The following IQCN variants were observed in gnomAD, a reference collection of about 807,000 sequenced individuals.
The protein encoded by IQCN is IQ motif containing N.
In IQCN, 46 loss-of-function variants were observed where a neutral mutation model predicts 64.4. The ratio of observed to expected loss-of-function variants is 0.71; its 90% CI spans 0.56 to 0.91. The LOEUF (loss-of-function observed/expected upper bound fraction) is 0.91, where lower values mean the gene tolerates loss of function less well. IQCN is among the 40% of genes least tolerant of loss of function. The pLI is 0.00. For synonymous variants in IQCN, 733 were observed against 775.6 expected (o/e 0.95, Z 0.91); for missense variants, 1,753 against 1,857.4 (o/e 0.94, Z 1.03).
rs981138725 is a variant in IQCN, at chr19:18,264,720, C to A, written c.2820G>T (p.Ala940=). The stretch of plus-strand genomic sequence containing the variant: ...TCAGGCGCAGCTCACTCCAGGACAG[C>A]GCCTTCACCAGCGCCATGCTCAGCA... ...QSMLSMALVK[A]LSWSELRLTL... The change falls in exon 3 of 4, where the codon GCG becomes GCT. Residue 940 remains alanine (A), a synonymous_variant. Coordinates refer to ENST00000392413, the MANE Select transcript of IQCN (RefSeq NM_001145304.2). The surrounding 1 kb of genome is among the most constrained non-coding windows in gnomAD (Gnocchi z 4.3). 8 of 1,550,946 alleles carry A rather than the reference C, an allele frequency of 5.2e-6. No homozygotes were observed. Among genetic ancestry groups the A allele is most frequent in the Non-Finnish European group, 7.0e-6 (8 of 1,146,960 alleles).
At chr19:18,269,715 G>C (rs1440795510) in intron 1 of IQCN, 128 bp from the exon 2 acceptor site, 1 of 497,864 alleles carries the variant, frequency 2.0e-6, no homozygotes, top group Non-Finnish European at 3.6e-6. Flanking sequence ...ATTTATTCCA[G>C]TGTTATTTTG....
chr19:18,264,259 G>T lies in IQCN; in HGVS notation c.3177+104C>A, dbSNP rs1487209270. 2 of 1,001,638 alleles carry T rather than the reference G, an allele frequency of 2.0e-6. No homozygotes were observed. The highest frequency in any genetic ancestry group is 2.8e-6 in the Non-Finnish European group (2 of 705,782). The allele number at this position is 1,001,638 out of a possible 1,614,324, so 62.0% of individuals were successfully genotyped here. A position where few individuals can be genotyped will look rare whatever the true frequency, so the allele number is the denominator to read the frequency against. The stretch of plus-strand genomic sequence containing the variant: ...CCCACAGTGACCACAGATAAGCAGG[G>T]TGACCCCCACAAGATGGCCCCATCA... On this transcript the variant is annotated intron_variant, in intron 3 of 3. Coordinates refer to ENST00000392413, the MANE Select transcript of IQCN (RefSeq NM_001145304.2). This position sits in a 1 kb window ranked among gnomAD's most constrained non-coding sequence, Gnocchi z 4.3.
chr19:18,271,242 G>T (rs1969729446), intron 1 of IQCN, among the ~76,000 whole-genome samples: 1 of 150,240 alleles, frequency 6.7e-6, no homozygotes, highest in South Asian at 2.1e-4. Flanking sequence ...GGCCGAGGTG[G>T]GTGGCTCACG....
Position 18,257,869 on chromosome 19 carries a change from C to T in IQCN, c.3415G>A (p.Gly1139Arg). ...ARRRIRLWHR[G>R]AMVIQATWRG... ...CAAGTAGCTTGGATGACCATGGCCCCCCGGTGCCACAGCCGGATCCTGCGA... is the reference window on the plus strand; with the variant it reads ...CAAGTAGCTTGGATGACCATGGCCCTCCGGTGCCACAGCCGGATCCTGCGA... Residue 1139 changes from glycine (G) to arginine (R), a missense_variant, in exon 4 of 4, where the codon GGG becomes AGG. By Grantham distance (125) the Gly-to-Arg change is moderately radical. Transcript: ENST00000392413. 1.9e-6 allele frequency: 3 copies of T among 1,612,282 alleles called. No individual in the cohort carries two copies. The highest frequency in any genetic ancestry group is 1.7e-6 in the Non-Finnish European group (2 of 1,179,888).
In IQCN at chr19:18,267,441, C is replaced by G; in HGVS notation, c.99G>C (p.Val33=). The G allele has an allele frequency of 6.4e-7, 1 of 1,552,792 alleles. No homozygotes were observed. The highest frequency in any genetic ancestry group is 8.7e-7 in the Non-Finnish European group (1 of 1,151,682). The change falls in exon 3 of 4, where the codon GTG becomes GTC. Residue 33 remains valine (V), a synonymous_variant. Transcript: ENST00000392413. The part of the protein sequence containing the change: ...VHEPVVTQWA[V]HPPAPAHPSL... ...TGGGGTGAGCGGGGGCTGGAGGATG[C>G]ACCGCCCACTGGGTGACAACTGGCT...
In IQCN at chr19:18,269,607, A is replaced by G. The variant is rs897820577; in HGVS notation, c.-109-20T>C. 6 of 671,178 alleles carry G rather than the reference A, an allele frequency of 8.9e-6. No individual in the cohort carries two copies. The highest frequency in any genetic ancestry group is 1.9e-5 in the African/African-American group (1 of 53,190). 41.6% of individuals were successfully genotyped at this position (671,178 alleles called of 1,614,324 possible). ...CCTGGGCTGGCTCAAGACCAACACA[A>G]AAAGAAATGTTAAAAGCAAAAATGC... On this transcript the variant is annotated intron_variant, in intron 1 of 3. Transcript: ENST00000392413.
chr19:18,264,411 C>T lies in IQCN; in HGVS notation c.3129G>A (p.Ser1043=), dbSNP rs1412300448. The change falls in exon 3 of 4, where the codon TCG becomes TCA. Residue 1043 remains serine, a synonymous_variant. Transcript: ENST00000392413. The surrounding 1 kb of genome is among the most constrained non-coding windows in gnomAD (Gnocchi z 4.3). ...GGCCCAGGGAGGGCCCCCATGCGGC[C>T]GATGGACTCCTCCTGCAGGCCACCT... The part of the protein sequence containing the change: ...LVKVACRRSP[S]AAWGPSLGPV... 4.5e-6 allele frequency: 7 copies of T among 1,538,736 alleles called. No homozygotes were observed. In the African/African-American group the frequency reaches 6.9e-5, roughly 15 times the overall value.
intron 2 of IQCN, among the ~76,000 whole-genome samples, chr19:18,268,369 G>A (rs60162577): frequency 0.48 from 72,528 of 151,254 alleles, 17,574 homozygotes; most frequent in Admixed American, 0.57. Flanking sequence ...GGGTGGGGGG[G>A]GCATCTTGAC....
intron 1 of IQCN, among the ~76,000 whole-genome samples, chr19:18,270,199 A>C (rs1335716871): frequency 6.6e-6 from 1 of 151,876 alleles, no homozygotes; most frequent in African/African-American, 2.4e-5. Flanking sequence ...GTCTCTACTA[A>C]AAATACAAGA....
At position 18,265,487 on chromosome 19, in the gene IQCN, C is replaced by T. The variant is rs1486156362; in HGVS notation, c.2053G>A (p.Ala685Thr). The T allele has an allele frequency of 3.1e-6, 5 of 1,612,526 alleles. No individual in the cohort carries two copies. Among genetic ancestry groups the T allele is most frequent in the East Asian group, 4.5e-5 (2 of 44,828 alleles). ...TGAGATGAGGCCTTGGTCAGCGGGG[C>T]GGCCAGTGGTCTCTGGGACAGGCAG... ...PPCLSQRPLAAPLTKASSQGH... is the reference protein window; with the variant it reads ...PPCLSQRPLATPLTKASSQGH... The change falls in exon 3 of 4, where the codon GCC becomes ACC. Residue 685 changes from alanine (A) to threonine (T), a missense_variant. By Grantham distance (58) the Ala-to-Thr change is moderately conservative. Coordinates refer to ENST00000392413, the MANE Select transcript of IQCN (RefSeq NM_001145304.2). The surrounding 1 kb of genome is among the most constrained non-coding windows in gnomAD (Gnocchi z 4.7).
At chr19:18,270,473 A>G (rs919363714) in intron 1 of IQCN, among the ~76,000 whole-genome samples, 3 of 151,988 alleles carry the variant, frequency 2.0e-5, no homozygotes, top group African/African-American at 7.3e-5. Flanking sequence ...CAGCCTGGGC[A>G]ACATGGTAAA....
rs1474314729 is a variant in IQCN at position 18,269,498 on chromosome 19, GAGA to G, written c.-23_-21del. 14 of 1,613,712 alleles carry G rather than the reference GAGA, an allele frequency of 8.7e-6. No homozygotes were observed. The highest frequency in any genetic ancestry group is 2.2e-5 in the South Asian group (2 of 91,042). On this transcript the variant is annotated 5_prime_UTR_variant, in exon 2 of 4. Transcript: ENST00000392413. ...GGTCATAGATTTGGAGGAGTAGCAG[GAGA>G]AGAAGGTGCAATCTCAGAAGCCAGC... is the stretch of plus-strand genomic sequence containing the variant.
rs759981533 is a variant in IQCN at position 18,265,492 on chromosome 19, A to G, written c.2048T>C (p.Leu683Pro). Reference sequence around the variant, plus strand: ...TGAGGCCTTGGTCAGCGGGGCGGCCAGTGGTCTCTGGGACAGGCAGGGTGG... The same window carrying G: ...TGAGGCCTTGGTCAGCGGGGCGGCCGGTGGTCTCTGGGACAGGCAGGGTGG... ...RHPPCLSQRP[L>P]AAPLTKASSQ... The change falls in exon 3 of 4, where the codon CTG (leucine) becomes CCG (proline). Residue 683 changes from leucine (L) to proline (P), a missense_variant. Leu to Pro is a moderately conservative substitution (Grantham distance 98). Transcript: ENST00000392413. The surrounding 1 kb of genome is among the most constrained non-coding windows in gnomAD (Gnocchi z 4.7). The G allele has an allele frequency of 4.3e-6, 7 of 1,612,808 alleles. No homozygotes were observed. In the South Asian group the frequency reaches 6.6e-5, roughly 15 times the overall value.
Position 18,264,916 on chromosome 19 carries a change from G to GAGCCTACC in IQCN, c.2616_2623dup (p.Ser875TrpfsTer2). 1.2e-6 allele frequency: 2 copies of GAGCCTACC among 1,613,326 alleles called. No individual in the cohort carries two copies. Among genetic ancestry groups the GAGCCTACC allele is most frequent in the Non-Finnish European group, 8.5e-7 (1 of 1,179,996 alleles). ...TTCAGCACACAAGGAGGCCAGCAGGGAGCCTACCGTGTCCTCCTGGCAGGG... is the reference window on the plus strand; with the variant it reads ...TTCAGCACACAAGGAGGCCAGCAGGGAGCCTACCAGCCTACCGTGTCCTCCTGGCAGGG... On this transcript the variant is annotated stop_gained and frameshift_variant, in exon 3 of 4. Coordinates refer to ENST00000392413, the MANE Select transcript of IQCN (RefSeq NM_001145304.2). LOFTEE classifies it high-confidence loss of function. The surrounding 1 kb of genome is among the most constrained non-coding windows in gnomAD (Gnocchi z 4.3).
Position 18,266,107 on chromosome 19 carries a change from T to A in IQCN, c.1433A>T (p.Lys478Met). ...LQTCLSATMS[K>M]TSSQRSPVGV... ...AACTGGGCTCCTCTGGGATGAAGTC[T>A]TGGACATTGTGGCTGACAGACATGT... Residue 478 changes from lysine (K) to methionine (M), a missense_variant, in exon 3 of 4, where the codon AAG (lysine) becomes ATG (methionine). Transcript: ENST00000392413. This position sits in a 1 kb window ranked among gnomAD's most constrained non-coding sequence, Gnocchi z 4.3. The A allele has an allele frequency of 6.2e-7, 1 of 1,613,958 alleles. No individual in the cohort carries two copies. Among genetic ancestry groups the A allele is most frequent in the South Asian group, 1.1e-5 (1 of 91,078 alleles).
rs942341949 is a variant in IQCN at position 18,267,185 on chromosome 19, G to A, written c.355C>T (p.Leu119Phe). ...ATCTGGGAAATCAGCTTCTGCCGGA[G>A]CCAATAGCCCCTCCAGTTGGCTTGG... ...LIQANWRGYW[L>F]RQKLISQMMA... Residue 119 changes from leucine (L) to phenylalanine (F), a missense_variant, in exon 3 of 4, where the codon CTC becomes TTC. Physicochemically the swap from Leu to Phe is conservative, Grantham distance 22. Transcript: ENST00000392413. 6.2e-7 allele frequency: 1 copy of A among 1,614,276 alleles called. No homozygotes were observed.
chr19:18,265,935 C>T lies in IQCN; in HGVS notation c.1605G>A (p.Ala535=), dbSNP rs138064943. 5.2e-4 allele frequency: 843 copies of T among 1,614,158 alleles called. No individual in the cohort carries two copies. Among genetic ancestry groups the T allele is most frequent in the Middle Eastern group, 6.6e-4 (4 of 6,062 alleles). The change falls in exon 3 of 4, where the codon GCG becomes GCA. Residue 535 remains alanine (A), a synonymous_variant. Coordinates refer to ENST00000392413, the MANE Select transcript of IQCN (RefSeq NM_001145304.2). The surrounding 1 kb of genome is among the most constrained non-coding windows in gnomAD (Gnocchi z 4.7). ...VANVKAPPQV[A]VAAGTPNTSG... ...AGGTGTTGGGAGTTCCGGCTGCTAC[C>T]GCCACTTGGGGTGGAGCCTTGACAT...
At chr19:18,267,951 CCTGG>C (rs3075270) in intron 2 of IQCN, 78,598 of 152,286 alleles carry the variant, frequency 0.52, 21,149 homozygotes, top group African/African-American at 0.67. Context: ...CGCCACCATG[CCTGG>C]CTGGCTACTT....
At chr19:18,260,968 G>A (rs2148095053) in intron 3 of IQCN, 1 of 153,118 alleles carries the variant, frequency 6.5e-6, no homozygotes, top group East Asian at 1.9e-4. Context: ...GTGGTGGCCT[G>A]AGATAGCTGG....
Sources: gnomAD v4.1 joint callset for allele counts (sites outside exome capture counted in the v4.1 genomes callset) on GRCh38, gnomAD v4.1.1 for gene constraint, Gnocchi (gnomAD v3.1) non-coding constraint, MANE v1.5 for transcripts, NCBI Gene and HGNC (gene_info 2026-07-23, HGNC 2026-07-21) for gene names.